PRICKLE2: variants seen among roughly 807,000 people sequenced by gnomAD.
PRICKLE2 encodes the protein prickle-like protein 2.
PRICKLE2 carries 21 observed loss-of-function variants against 81.4 expected under a neutral mutation model. That is an observed-to-expected ratio of 0.26 (90% confidence interval 0.18 to 0.37). The LOEUF (loss-of-function observed/expected upper bound fraction) is 0.37, where lower values mean the gene tolerates loss of function less well. Ranked by LOEUF, PRICKLE2 falls within the 10% of genes least tolerant of loss-of-function variation. The pLI, the probability that PRICKLE2 is intolerant of heterozygous loss-of-function variation, is 1.00. For missense variants in PRICKLE2, 940 were observed against 1,109.0 expected (o/e 0.85, Z 2.16); for synonymous variants, 456 against 421.5 (o/e 1.08, Z -1.00).
intron 3 of PRICKLE2, among the ~76,000 whole-genome samples, chr3:64,160,755 G>A (rs1378347507): frequency 7.2e-5 from 11 of 152,152 alleles, no homozygotes; most frequent in Admixed American, 7.2e-4. Context: ...AGAATTAAAG[G>A]AGGAACATTA....
chr3:64,216,054 CCTT>C (rs1415695171), intron 1 of PRICKLE2, among the ~76,000 whole-genome samples: 2 of 152,216 alleles, frequency 1.3e-5, no homozygotes, highest in Non-Finnish European at 2.9e-5. Flanking sequence ...GTAACTCTCT[CCTT>C]CTAGCTCCGC....
intron 2 of PRICKLE2, among the ~76,000 whole-genome samples, chr3:64,179,038 T>TC (rs2078080429): frequency 6.8e-6 from 1 of 147,628 alleles, no homozygotes; most frequent in African/African-American, 2.5e-5. Flanking sequence ...TTTCTTTCTT[T>TC]TCTTTCCTTC....
intron 2 of PRICKLE2, among the ~76,000 whole-genome samples, chr3:64,235,740 T>C (rs1260871882): frequency 2.6e-5 from 4 of 152,232 alleles, no homozygotes; most frequent in South Asian, 2.1e-4. Context: ...CCTTTTGGCA[T>C]AAATTGTTCC....
rs1295341567 is a variant in PRICKLE2, at chr3:64,092,373, C to G, written c.*6678G>C. 1 of 152,150 alleles carries G rather than the reference C, an allele frequency of 6.6e-6. No homozygotes were observed. The highest frequency in any genetic ancestry group is 1.5e-5 in the Non-Finnish European group (1 of 68,028). The allele number at this position is 152,150 out of a possible 1,614,324, so 9.4% of individuals were successfully genotyped here. ...CTACTTACTATTCCGAATGTCTTGC[C>G]TAGTTGAAAGTAAAGTTTGTAAACT... On this transcript the variant is annotated 3_prime_UTR_variant, in exon 8 of 8. Transcript: ENST00000638394.
intron 7 of PRICKLE2, among the ~76,000 whole-genome samples, chr3:64,136,801 C>A (rs1466445418): frequency 6.6e-6 from 1 of 151,972 alleles, no homozygotes; most frequent in Non-Finnish European, 1.5e-5. Context: ...AAAAGGAAGT[C>A]AAAACAGAAT....
chr3:64,120,054 T>A (rs2106965795), intron 7 of PRICKLE2, among the ~76,000 whole-genome samples: 1 of 152,178 alleles, frequency 6.6e-6, no homozygotes, highest in Admixed American at 6.5e-5. Context: ...TGGGGGCTAC[T>A]AGAGGGGAAG....
chr3:64,149,122 C>T (rs1314590133), intron 6 of PRICKLE2, among the ~76,000 whole-genome samples: 1 of 152,212 alleles, frequency 6.6e-6, no homozygotes, highest in Non-Finnish European at 1.5e-5. Context: ...AGCCTGGCCA[C>T]ACTGCGTACT....
Position 64,225,342 on chromosome 3 carries a change from C to T in PRICKLE2, c.-473G>A, listed in dbSNP as rs2079016647. The T allele has an allele frequency of 7.1e-6, 7 of 985,248 alleles. No homozygotes were observed. Among genetic ancestry groups the T allele is most frequent in the Non-Finnish European group, 8.4e-6 (7 of 829,976 alleles). 61.0% of individuals were successfully genotyped at this position (985,248 alleles called of 1,614,324 possible). A position where few individuals can be genotyped will look rare whatever the true frequency, so the allele number is the denominator to read the frequency against. On this transcript the variant is annotated 5_prime_UTR_variant, in exon 1 of 8. Transcript: ENST00000638394. The stretch of plus-strand genomic sequence containing the variant: ...TCACCAGCTGATCCTGAGCCAGACC[C>T]GGGGTGACTAGTCAGCTGCTCACAG...
At chr3:64,181,662 G>GA (rs2078137313) in intron 2 of PRICKLE2, among the ~76,000 whole-genome samples, 1 of 152,134 alleles carries the variant, frequency 6.6e-6, no homozygotes, top group Non-Finnish European at 1.5e-5. Context: ...AGTAACCTTT[G>GA]AAAATGGGAG....
chr3:64,115,713 C>A (rs112830405), intron 7 of PRICKLE2, among the ~76,000 whole-genome samples: 3,358 of 152,230 alleles, frequency 0.022, 132 homozygotes, highest in African/African-American at 0.075. Context: ...TTCTTAGAGA[C>A]CTTCAAAGAG....
chr3:64,223,439 T>A (rs547081958), intron 1 of PRICKLE2, among the ~76,000 whole-genome samples: 2 of 152,176 alleles, frequency 1.3e-5, no homozygotes, highest in African/African-American at 4.8e-5. Context: ...ACCTCTAAGT[T>A]CCCTTCTCAT....
intron 2 of PRICKLE2, among the ~76,000 whole-genome samples, chr3:64,169,536 G>A (rs1358189003): frequency 6.6e-6 from 1 of 152,042 alleles, no homozygotes; most frequent in Non-Finnish European, 1.5e-5. Context: ...TAAAGATGAT[G>A]GCCATTTTCA....
At chr3:64,204,208 C>T (rs536361508) in intron 1 of PRICKLE2, among the ~76,000 whole-genome samples, 1 of 152,096 alleles carries the variant, frequency 6.6e-6, no homozygotes, top group Admixed American at 6.5e-5. Flanking sequence ...GCAGCAAGTG[C>T]TACTGAAAAC....
At chr3:64,201,906 A>T (rs1490018897) in intron 1 of PRICKLE2, among the ~76,000 whole-genome samples, 1 of 152,122 alleles carries the variant, frequency 6.6e-6, no homozygotes, top group Non-Finnish European at 1.5e-5. Context: ...TTTTGAGTTA[A>T]TTTTTGTATA....
chr3:64,112,374 C>T (rs929714291), intron 7 of PRICKLE2, among the ~76,000 whole-genome samples: 1 of 152,154 alleles, frequency 6.6e-6, no homozygotes, highest in East Asian at 1.9e-4. Context: ...CAAGATCTCC[C>T]TTCTCTACAG....
chr3:64,114,610 G>C (rs1442743623), intron 7 of PRICKLE2, among the ~76,000 whole-genome samples: 1 of 151,250 alleles, frequency 6.6e-6, no homozygotes, highest in Non-Finnish European at 1.5e-5. Context: ...AGTAACTGGA[G>C]AAAAGAATCT....
chr3:64,169,466 A>C (rs1380348889), intron 2 of PRICKLE2, among the ~76,000 whole-genome samples: 3 of 152,180 alleles, frequency 2.0e-5, no homozygotes, highest in Non-Finnish European at 4.4e-5. Context: ...TGCAATTCCT[A>C]AATGATACAG....
intron 2 of PRICKLE2, among the ~76,000 whole-genome samples, chr3:64,196,281 G>A (rs1222312521): frequency 1.3e-5 from 2 of 152,174 alleles, no homozygotes; most frequent in Non-Finnish European, 2.9e-5. Flanking sequence ...CTTAACTTTG[G>A]AAAATTCAGA....
intron 2 of PRICKLE2, among the ~76,000 whole-genome samples, chr3:64,197,993 C>T (rs370352539): frequency 2.6e-4 from 39 of 152,104 alleles, no homozygotes; most frequent in Non-Finnish European, 4.3e-4. Context: ...GGACGGATCA[C>T]GAGGTCAGGA....
Sources: allele counts gnomAD v4.1 joint callset (sites outside exome capture counted in the v4.1 genomes callset), GRCh38; gene constraint gnomAD v4.1.1; transcripts MANE v1.5; gene names NCBI Gene and HGNC (gene_info 2026-07-23, HGNC 2026-07-21).